The following PTDSS1 variants were observed in gnomAD, a reference collection of about 807,000 sequenced individuals.
PTDSS1 encodes the protein phosphatidylserine synthase 1.
In PTDSS1, 45 loss-of-function variants were observed where a neutral mutation model predicts 70.5. The ratio of observed to expected loss-of-function variants is 0.64; its 90% CI spans 0.50 to 0.82. The LOEUF (loss-of-function observed/expected upper bound fraction) is 0.82, where lower values mean the gene tolerates loss of function less well. Among genes scored for constraint, PTDSS1 ranks in the 40% least tolerant of loss-of-function variants. The probability of loss-of-function intolerance (pLI) is 0.00; values close to 1 mark genes in which losing one functional copy is unlikely to be tolerated. For synonymous variants in PTDSS1, 188 were observed against 203.8 expected (o/e 0.92, Z 0.66); for missense variants, 417 against 586.1 (o/e 0.71, Z 2.98).
rs758177724 is a variant in PTDSS1, at chr8:96,306,509, T to C, written c.960T>C (p.Ser320=). The C allele has an allele frequency of 2.0e-5, 32 of 1,614,008 alleles. No homozygotes were observed. In the South Asian group the frequency reaches 3.4e-4, roughly 17 times the overall value. The change falls in exon 8 of 13, where the codon AGT becomes AGC. Residue 320 remains serine (S), a synonymous_variant. Transcript: ENST00000517309. ...IFVFQASHPL[S]WGRILFIGGI... ...TGTTCCAAGCCAGTCATCCATTAAG[T>C]TGGGGTAGAATTCTCTTTATTGGTG...
In PTDSS1 at chr8:96,323,358, G is replaced by A. The variant is rs546841975; in HGVS notation, c.1173+3013G>A. On this transcript the variant is annotated intron_variant, in intron 10 of 12. Coordinates refer to ENST00000517309, the MANE Select transcript of PTDSS1 (RefSeq NM_014754.3). ...TCTCTGCAGTGGCACTGCCCCTGTG[G>A]CAGGTTTTTGCCTAGACTTCTAGGC... Among the ~76,000 whole-genome samples the A allele has an allele frequency of 1.3e-4, 20 of 152,362 alleles. No homozygotes were observed. In the South Asian group the frequency reaches 3.9e-3, roughly 30 times the overall value.
chr8:96,266,531 C>T (rs935146088), intron 1 of PTDSS1, among the ~76,000 whole-genome samples: 1 of 152,224 alleles, frequency 6.6e-6, no homozygotes, highest in African/African-American at 2.4e-5. Flanking sequence ...TTCTTTCCCT[C>T]TTGACCACAT....
intron 6 of PTDSS1, among the ~76,000 whole-genome samples, chr8:96,300,096 T>C (rs568905001): frequency 7.0e-4 from 107 of 152,296 alleles, no homozygotes; most frequent in Non-Finnish European, 6.8e-4. Context: ...TCAAAAGATT[T>C]CTGAAATCCA....
intron 1 of PTDSS1, among the ~76,000 whole-genome samples, chr8:96,264,435 T>C (rs1810458717): frequency 6.6e-6 from 1 of 152,216 alleles, no homozygotes; most frequent in Non-Finnish European, 1.5e-5. Flanking sequence ...GGATGTAGTA[T>C]GCTCTGTAAT....
At chr8:96,298,071 G>A (rs1277759460) in intron 5 of PTDSS1, among the ~76,000 whole-genome samples, 1 of 152,162 alleles carries the variant, frequency 6.6e-6, no homozygotes, top group African/African-American at 2.4e-5. Context: ...GCAAATATGT[G>A]TCATTGACTT....
intron 2 of PTDSS1, among the ~76,000 whole-genome samples, chr8:96,276,598 C>G (rs6996135): frequency 0.1 from 15,640 of 152,186 alleles, 2,588 homozygotes; most frequent in African/African-American, 0.34. Context: ...TCAGCCTGTT[C>G]GCAGGGCCAC....
intron 10 of PTDSS1, among the ~76,000 whole-genome samples, chr8:96,322,638 G>T (rs1283044608): frequency 6.6e-6 from 1 of 152,060 alleles, no homozygotes. Context: ...ATGAGTTTTG[G>T]CAGGGACATT....
Position 96,309,551 on chromosome 8 carries a change from T to C in PTDSS1, c.1008-6T>C. ...CTCTCAATGAATTCCAACTTTGTTC[T>C]TTCAGACAGTACTACGCTTACCTCA... On this transcript the variant is annotated splice_region_variant and splice_polypyrimidine_tract_variant and intron_variant, in intron 8 of 12. Transcript: ENST00000517309. 4 of 1,612,802 alleles carry C rather than the reference T, an allele frequency of 2.5e-6. No individual in the cohort carries two copies. Among genetic ancestry groups the C allele is most frequent in the Non-Finnish European group, 3.4e-6 (4 of 1,178,990 alleles).
At chr8:96,312,404 A>G (rs1192605977) in intron 9 of PTDSS1, among the ~76,000 whole-genome samples, 1 of 151,512 alleles carries the variant, frequency 6.6e-6, no homozygotes, top group Non-Finnish European at 1.5e-5. Flanking sequence ...GCCTGCATTG[A>G]GCTATGATTG....
chr8:96,303,657 C>G (rs1042220743), intron 6 of PTDSS1, among the ~76,000 whole-genome samples: 1 of 151,980 alleles, frequency 6.6e-6, no homozygotes, highest in African/African-American at 2.4e-5. Context: ...TGAGTGATTT[C>G]GAGGATGCAA....
At chr8:96,273,694 C>G (rs1005616951) in intron 2 of PTDSS1, among the ~76,000 whole-genome samples, 1 of 152,154 alleles carries the variant, frequency 6.6e-6, no homozygotes, top group Non-Finnish European at 1.5e-5. Context: ...ATTATAAGCT[C>G]TCAATAAATG....
chr8:96,329,442 T>C (rs1371375604), intron 10 of PTDSS1, among the ~76,000 whole-genome samples: 1 of 152,198 alleles, frequency 6.6e-6, no homozygotes, highest in Non-Finnish European at 1.5e-5. Flanking sequence ...TAAGCTTTGA[T>C]TTTTTGACAT....
At position 96,295,379 on chromosome 8, in the gene PTDSS1, T is replaced by C. The variant is rs114725232; in HGVS notation, c.600+123T>C. ...CCAGCCCCTGTGGTACAAAACAGTA[T>C]TTAAACCATCCCATAAGAATATTTA... On this transcript the variant is annotated intron_variant, in intron 5 of 12. Transcript: ENST00000517309. 3.8e-4 allele frequency: 397 copies of C among 1,049,858 alleles called. No individual in the cohort carries two copies. The African/African-American group carries it at 5.4e-3, about 14-fold the overall frequency. The allele number at this position is 1,049,858 out of a possible 1,614,324, so 65.0% of individuals were successfully genotyped here.
rs185029313 is a variant in PTDSS1, at chr8:96,334,947, A to G, written c.*1381A>G. 4 of 152,350 alleles carry G rather than the reference A, an allele frequency of 2.6e-5. No homozygotes were observed. In the South Asian group the frequency reaches 8.3e-4, roughly 32 times the overall value. The allele number at this position is 152,350 out of a possible 1,614,324, so 9.4% of individuals were successfully genotyped here. On this transcript the variant is annotated 3_prime_UTR_variant, in exon 13 of 13. Transcript: ENST00000517309. ...TTCTTCTTTAAGGAAATCTTTAGCCATAGAAGTGTCACTTTTTTTTTTTCT... is the reference window on the plus strand; with the variant it reads ...TTCTTCTTTAAGGAAATCTTTAGCCGTAGAAGTGTCACTTTTTTTTTTTCT...
intron 9 of PTDSS1, among the ~76,000 whole-genome samples, chr8:96,312,186 C>T (rs2130132339): frequency 6.6e-6 from 1 of 152,346 alleles, no homozygotes; most frequent in African/African-American, 2.4e-5. Flanking sequence ...TATGGCGGCT[C>T]ACGCCTGTAA....
intron 12 of PTDSS1, among the ~76,000 whole-genome samples, chr8:96,332,129 A>G (rs541325788): frequency 6.6e-6 from 1 of 151,648 alleles, no homozygotes; most frequent in South Asian, 2.1e-4. Flanking sequence ...GGGCAGTGTA[A>G]GAGATTTTGG....
chr8:96,303,992 C>A, intron 6 of PTDSS1, 48 bp from the exon 7 acceptor site: 1 of 1,544,380 alleles, frequency 6.5e-7, no homozygotes, highest in Non-Finnish European at 8.8e-7. Flanking sequence ...CTTTGTTTTC[C>A]CCCTGCCTTA....
chr8:96,311,902 G>C (rs893535344), intron 9 of PTDSS1, among the ~76,000 whole-genome samples: 30 of 152,184 alleles, frequency 2.0e-4, no homozygotes, highest in Non-Finnish European at 7.3e-5. Context: ...TGTCCAAGGA[G>C]GAAATGGTCT....
intron 10 of PTDSS1, among the ~76,000 whole-genome samples, chr8:96,324,160 G>GC (rs1811408007): frequency 6.6e-6 from 1 of 152,106 alleles, no homozygotes; most frequent in Admixed American, 6.5e-5. Flanking sequence ...CATCAGAGTG[G>GC]CCTTGACTGT....
Sources: gnomAD v4.1 joint callset for allele counts (sites outside exome capture counted in the v4.1 genomes callset) on GRCh38, gnomAD v4.1.1 for gene constraint, MANE v1.5 for transcripts, NCBI Gene and HGNC (gene_info 2026-07-23, HGNC 2026-07-21) for gene names.